The following TMEM132D variants were observed in gnomAD, a reference collection of about 807,000 sequenced individuals.
The protein encoded by TMEM132D is transmembrane protein 132D.
Under a neutral mutation model 62.3 loss-of-function variants are expected in TMEM132D, and 21 were observed. That is an observed-to-expected ratio of 0.34 (90% CI 0.24 to 0.49). TMEM132D has a LOEUF of 0.49. TMEM132D is among the 20% of genes least tolerant of loss of function. The pLI is 0.99. For synonymous variants in TMEM132D, 621 were observed against 575.6 expected, an observed-to-expected ratio of 1.08 and a Z score of -1.13; for missense variants, 1,346 against 1,402.8, an observed-to-expected ratio of 0.96 and a Z score of 0.65.
At chr12:129,564,921 T>C (rs1877328051) in intron 2 of TMEM132D, among the ~76,000 whole-genome samples, 1 of 152,104 alleles carries the variant, frequency 6.6e-6, no homozygotes, top group East Asian at 1.9e-4. Flanking sequence ...TGACTAGGTA[T>C]GAGAAAAGTG....
chr12:129,087,936 C>T lies in TMEM132D; in HGVS notation c.1444-3234G>A, dbSNP rs866884642. ...GTGTCCTCCCTGACCGGGTGTCCTCCATGACCGGGGTGTCCTCCCTGACCG... is the reference window on the plus strand; with the variant it reads ...GTGTCCTCCCTGACCGGGTGTCCTCTATGACCGGGGTGTCCTCCCTGACCG... On this transcript the variant is annotated intron_variant, in intron 5 of 8. Transcript: ENST00000422113. Among the ~76,000 whole-genome samples the T allele has an allele frequency of 1.9e-3, 206 of 109,716 alleles. 5 individuals are homozygous for T. The highest frequency in any genetic ancestry group is 6.9e-3 in the African/African-American group (178 of 25,856). 72.0% of individuals were successfully genotyped at this position (109,716 alleles called of 152,430 possible). A position where few individuals can be genotyped will look rare whatever the true frequency, so the allele number is the denominator to read the frequency against.
chr12:129,425,376 C>T lies in TMEM132D; in HGVS notation c.1116-87559G>A, dbSNP rs1021219129. Among the ~76,000 whole-genome samples the T allele has an allele frequency of 4.7e-5, 7 of 149,896 alleles. No homozygotes were observed. In the South Asian group the frequency reaches 6.3e-4, roughly 14 times the overall value. The stretch of plus-strand genomic sequence containing the variant: ...ATTTTCCATTCCCACCAGCAACATA[C>T]GTGGGCTCCTGTTTCCCCAGATGCT... On this transcript the variant is annotated intron_variant, in intron 3 of 8. Coordinates refer to ENST00000422113, the MANE Select transcript of TMEM132D (RefSeq NM_133448.3).
In TMEM132D at chr12:129,084,665, T is replaced by C. The variant is rs1565958190; in HGVS notation, c.1481A>G (p.Lys494Arg). Residue 494 changes from lysine to arginine, a missense_variant, in exon 6 of 9, where the codon AAA becomes AGA. Physicochemically the swap from Lys to Arg is conservative, Grantham distance 26. Transcript: ENST00000422113. Reference sequence around the variant, plus strand: ...CACGTTGACCTTGCCTTTCATTTCTTTCCCATTGACAAAGACGTAGTCACA... The same window carrying C: ...CACGTTGACCTTGCCTTTCATTTCTCTCCCATTGACAAAGACGTAGTCACA... ...DRCDYVFVNG[K>R]EMKGKVNVVV... 1.9e-6 allele frequency: 3 copies of C among 1,614,098 alleles called. No individual in the cohort carries two copies. Among genetic ancestry groups the C allele is most frequent in the Non-Finnish European group, 2.5e-6 (3 of 1,180,008 alleles).
rs199967591 is a variant in TMEM132D at position 129,314,870 on chromosome 12, T to C, written c.1299+22764A>G. Among the ~76,000 whole-genome samples, 5 of 151,940 alleles carry C rather than the reference T, an allele frequency of 3.3e-5. No individual in the cohort carries two copies. The East Asian group carries it at 9.6e-4, about 29-fold the overall frequency. Reference sequence around the variant, plus strand: ...TCAGTATATTCCTAAGTTATTTATTTATTTATTTATTTATCTATCTATTTA... The same window carrying C: ...TCAGTATATTCCTAAGTTATTTATTCATTTATTTATTTATCTATCTATTTA... On this transcript the variant is annotated intron_variant, in intron 4 of 8. Transcript: ENST00000422113.
chr12:129,841,316 A>AG (rs1354312625), intron 1 of TMEM132D, among the ~76,000 whole-genome samples: 2 of 152,154 alleles, frequency 1.3e-5, no homozygotes, highest in African/African-American at 2.4e-5. Context: ...AGATTAAAAA[A>AG]GAAAAAAAAA....
At chr12:129,480,828 A>ATCCAC (rs1270216346) in intron 3 of TMEM132D, among the ~76,000 whole-genome samples, 1 of 152,194 alleles carries the variant, frequency 6.6e-6, no homozygotes, top group East Asian at 1.9e-4. Context: ...TGGCCCCGCA[A>ATCCAC]TCCACTTCTG....
intron 4 of TMEM132D, among the ~76,000 whole-genome samples, chr12:129,305,741 T>C (rs1450131267): frequency 6.6e-6 from 1 of 152,154 alleles, no homozygotes; most frequent in Non-Finnish European, 1.5e-5. Context: ...AAGATGCGGA[T>C]AATAGCACTG....
At chr12:129,343,783 A>C (rs1276721607) in intron 3 of TMEM132D, among the ~76,000 whole-genome samples, 2 of 151,110 alleles carry the variant, frequency 1.3e-5, no homozygotes, top group Non-Finnish European at 2.9e-5. Flanking sequence ...AAAAAAAAAA[A>C]CAAATGAGCC....
intron 1 of TMEM132D, among the ~76,000 whole-genome samples, chr12:129,737,239 C>A (rs1448934158): frequency 6.6e-6 from 1 of 152,190 alleles, no homozygotes; most frequent in Non-Finnish European, 1.5e-5. Context: ...CAAATGCCAC[C>A]AGCCCACCTT....
chr12:129,145,998 C>T (rs1876883061), intron 5 of TMEM132D, among the ~76,000 whole-genome samples: 1 of 151,982 alleles, frequency 6.6e-6, no homozygotes, highest in Non-Finnish European at 1.5e-5. Flanking sequence ...GTGGGTACAC[C>T]ATGATGTTTT....
At chr12:129,756,570 C>T (rs920431946) in intron 1 of TMEM132D, among the ~76,000 whole-genome samples, 4 of 152,190 alleles carry the variant, frequency 2.6e-5, no homozygotes, top group South Asian at 4.2e-4. Context: ...GCTGCAGCTT[C>T]GGAGGATGCA....
intron 1 of TMEM132D, among the ~76,000 whole-genome samples, chr12:129,800,469 C>G (rs1271706659): frequency 6.6e-6 from 1 of 151,966 alleles, no homozygotes; most frequent in Non-Finnish European, 1.5e-5. Context: ...AGTCCTAGCC[C>G]CTCTCCATGG....
chr12:129,157,249 G>C (rs892878134), intron 5 of TMEM132D, among the ~76,000 whole-genome samples: 1 of 152,174 alleles, frequency 6.6e-6, no homozygotes, highest in Non-Finnish European at 1.5e-5. Flanking sequence ...CACTTGTGAG[G>C]GCAGGGCCCT....
chr12:129,590,030 T>G lies in TMEM132D; in HGVS notation c.969-58825A>C, dbSNP rs143289416. Among the ~76,000 whole-genome samples, 14 of 152,348 alleles carry G rather than the reference T, an allele frequency of 9.2e-5. 1 individual carries two copies. The East Asian group carries it at 2.7e-3, about 29-fold the overall frequency. On this transcript the variant is annotated intron_variant, in intron 2 of 8. Coordinates refer to ENST00000422113, the MANE Select transcript of TMEM132D (RefSeq NM_133448.3). ...ATTATGTTCTCTTTTAGTTACCACT[T>G]AGCCAGGAGTACATATTTAGTTCCT... is the stretch of plus-strand genomic sequence containing the variant.
intron 5 of TMEM132D, among the ~76,000 whole-genome samples, chr12:129,185,824 G>A (rs1593289117): frequency 8.3e-6 from 1 of 120,808 alleles, no homozygotes; most frequent in African/African-American, 3.0e-5. Flanking sequence ...CTATCTATCT[G>A]TTTTTCTCCT....
At chr12:129,182,917 C>G (rs945743447) in intron 5 of TMEM132D, among the ~76,000 whole-genome samples, 3 of 152,136 alleles carry the variant, frequency 2.0e-5, no homozygotes, top group Non-Finnish European at 4.4e-5. Context: ...CTTCTGCTGG[C>G]CTTTGCTGGA....
chr12:129,709,747 T>C (rs993448774), intron 1 of TMEM132D, among the ~76,000 whole-genome samples: 1 of 152,330 alleles, frequency 6.6e-6, no homozygotes, highest in African/African-American at 2.4e-5. Flanking sequence ...CTGAAGCAGA[T>C]ATCACATAAA....
rs116088934 is a variant in TMEM132D, at chr12:129,827,768, G to A, written c.79+75493C>T. On this transcript the variant is annotated intron_variant, in intron 1 of 8. Transcript: ENST00000422113. This position sits in a 1 kb window ranked among gnomAD's most constrained non-coding sequence, Gnocchi z 9.7. ...CCCTCACCTCAGTTAAGTGCATTCCGAGCTAACAGATGCAAAGTGCTTGGA... is the reference window on the plus strand; with the variant it reads ...CCCTCACCTCAGTTAAGTGCATTCCAAGCTAACAGATGCAAAGTGCTTGGA... Among the ~76,000 whole-genome samples the A allele has an allele frequency of 2.7e-3, 407 of 152,220 alleles. 1 individual carries two copies. The highest frequency in any genetic ancestry group is 8.4e-3 in the African/African-American group (347 of 41,548).
chr12:129,129,475 G>C (rs1876308335), intron 5 of TMEM132D, among the ~76,000 whole-genome samples: 1 of 152,156 alleles, frequency 6.6e-6, no homozygotes, highest in Non-Finnish European at 1.5e-5. Flanking sequence ...CATGTTGGTG[G>C]AATGATTTGT....
Sources: gnomAD v4.1 joint callset for allele counts (sites outside exome capture counted in the v4.1 genomes callset) on GRCh38, gnomAD v4.1.1 for gene constraint, Gnocchi (gnomAD v3.1) non-coding constraint, MANE v1.5 for transcripts, NCBI Gene and HGNC (gene_info 2026-07-23, HGNC 2026-07-21) for gene names.